IL1RAPL1: variants seen among roughly 807,000 people sequenced by gnomAD.
IL1RAPL1 encodes interleukin 1 receptor accessory protein like 1.
In IL1RAPL1, 3 loss-of-function variants were observed where a neutral mutation model predicts 48.4. The ratio of observed to expected loss-of-function variants is 0.06; its 90% CI spans 0.03 to 0.16. The LOEUF (loss-of-function observed/expected upper bound fraction) is 0.16. IL1RAPL1 is among the 10% of genes least tolerant of loss of function. The pLI, the probability that IL1RAPL1 is intolerant of heterozygous loss-of-function variation, is 1.00. For synonymous variants in IL1RAPL1, 185 were observed against 187.7 expected, an observed-to-expected ratio of 0.99 and a Z score of 0.12; for missense variants, 349 against 530.6, an observed-to-expected ratio of 0.66 and a Z score of 3.36.
At chrX:29,190,446 G>A (rs1930330946) in intron 2 of IL1RAPL1, among the ~76,000 whole-genome samples, 1 of 112,314 alleles carries the variant, frequency 8.9e-6, no homozygotes, top group South Asian at 3.7e-4. Context: ...GGATTCTACT[G>A]ATATTAACTT....
At chrX:29,488,106 C>A in intron 5 of IL1RAPL1, among the ~76,000 whole-genome samples, 1 of 112,087 alleles carries the variant, frequency 8.9e-6, no homozygotes, top group Non-Finnish European at 1.9e-5. Flanking sequence ...CACCTCCATA[C>A]ATCAGAGTAT....
intron 2 of IL1RAPL1, among the ~76,000 whole-genome samples, chrX:29,157,026 A>AG (rs1163593568): frequency 8.9e-6 from 1 of 111,783 alleles, no homozygotes; most frequent in Non-Finnish European, 1.9e-5. Context: ...GAAAGAGTGG[A>AG]GAAAAAGATC....
chrX:29,331,595 C>A, intron 3 of IL1RAPL1, among the ~76,000 whole-genome samples: 1 of 111,976 alleles, frequency 8.9e-6, no homozygotes, highest in Non-Finnish European at 1.9e-5. Context: ...GATGCTTACC[C>A]ATTTCCTTTA....
intron 1 of IL1RAPL1, among the ~76,000 whole-genome samples, chrX:28,628,675 A>T (rs1447896118): frequency 3.6e-5 from 4 of 112,124 alleles, no homozygotes; most frequent in African/African-American, 1.3e-4. Flanking sequence ...TTTTCACCAG[A>T]TGAAAGCAAC....
intron 5 of IL1RAPL1, among the ~76,000 whole-genome samples, chrX:29,661,443 A>G (rs1328718691): frequency 8.9e-6 from 1 of 112,121 alleles, no homozygotes; most frequent in African/African-American, 3.2e-5. Context: ...TCAGTAAGTG[A>G]AGGATAGTAG....
intron 5 of IL1RAPL1, among the ~76,000 whole-genome samples, chrX:29,541,774 G>C (rs1921446887): frequency 9.1e-6 from 1 of 110,210 alleles, no homozygotes; most frequent in African/African-American, 3.3e-5. Context: ...ATAGAAACTG[G>C]GGACTACTAA....
At chrX:29,526,722 A>G (rs997044180) in intron 5 of IL1RAPL1, among the ~76,000 whole-genome samples, 2 of 112,348 alleles carry the variant, frequency 1.8e-5, no homozygotes, top group Admixed American at 1.9e-4. Context: ...TGTAAAACAT[A>G]TAAGAAATTA....
At chrX:28,888,150 TG>T (rs1484209523) in intron 2 of IL1RAPL1, among the ~76,000 whole-genome samples, 1 of 109,784 alleles carries the variant, frequency 9.1e-6, no homozygotes, top group Non-Finnish European at 1.9e-5. Flanking sequence ...CAAATTAGGC[TG>T]GGAATTGCTA....
chrX:29,430,517 G>C (rs1325503750), intron 5 of IL1RAPL1, among the ~76,000 whole-genome samples: 1 of 109,998 alleles, frequency 9.1e-6, no homozygotes, highest in African/African-American at 3.3e-5. Context: ...TTGTTCAAAG[G>C]CACAATATAA....
intron 2 of IL1RAPL1, among the ~76,000 whole-genome samples, chrX:29,003,564 T>C (rs1382373462): frequency 8.9e-6 from 1 of 112,184 alleles, no homozygotes; most frequent in African/African-American, 3.2e-5. Flanking sequence ...AAAGGGGAAA[T>C]GCTTTCAAAG....
intron 6 of IL1RAPL1, among the ~76,000 whole-genome samples, chrX:29,885,910 T>C (rs191420289): frequency 8.9e-6 from 1 of 112,454 alleles, no homozygotes; most frequent in East Asian, 2.8e-4. Context: ...AATGGTTTAT[T>C]AAAGATGTTT....
intron 3 of IL1RAPL1, among the ~76,000 whole-genome samples, chrX:29,338,484 A>T (rs1050807893): frequency 4.5e-5 from 5 of 112,274 alleles, no homozygotes; most frequent in African/African-American, 1.6e-4. Context: ...TGTTATTTTT[A>T]AAAATGTTGC....
chrX:29,009,637 C>T (rs1036895875), intron 2 of IL1RAPL1, among the ~76,000 whole-genome samples: 7 of 111,897 alleles, frequency 6.3e-5, no homozygotes, highest in South Asian at 3.7e-4. Context: ...GTACCAGTAC[C>T]GTGCTGTTTT....
rs183134301 is a variant in IL1RAPL1, at chrX:29,050,751, T to C, written c.83-232187T>C. Among the ~76,000 whole-genome samples, 47 of 112,441 alleles carry C rather than the reference T, an allele frequency of 4.2e-4. No individual in the cohort carries two copies. In the East Asian group the frequency reaches 0.012, roughly 30 times the overall value. On this transcript the variant is annotated intron_variant, in intron 2 of 10. Transcript: ENST00000378993. ...CTTAAGGTGTTCTGAAATTACGGGC[T>C]CGTTGATTCTGCCCTTTGTCTTGCT...
At chrX:29,803,411 ATG>A (rs763811033) in intron 6 of IL1RAPL1, among the ~76,000 whole-genome samples, 4 of 94,715 alleles carry the variant, frequency 4.2e-5, no homozygotes, top group African/African-American at 1.5e-4. Context: ...ATATGTGTAT[ATG>A]TGTATATGTG....
At chrX:29,228,764 T>C (rs1039030643) in intron 2 of IL1RAPL1, among the ~76,000 whole-genome samples, 4 of 112,428 alleles carry the variant, frequency 3.6e-5, no homozygotes, top group Non-Finnish European at 7.5e-5. Flanking sequence ...AAATAGTTTG[T>C]TCTGTAGTCT....
intron 2 of IL1RAPL1, among the ~76,000 whole-genome samples, chrX:29,244,641 G>A (rs905194040): frequency 4.5e-5 from 5 of 112,293 alleles, no homozygotes; most frequent in Non-Finnish European, 7.5e-5. Context: ...TTTTGCATTT[G>A]ATACGCAATT....
chrX:28,996,167 A>G (rs1000481331), intron 2 of IL1RAPL1, among the ~76,000 whole-genome samples: 32 of 111,205 alleles, frequency 2.9e-4, no homozygotes, highest in African/African-American at 1.0e-3. Context: ...TTCTGTCTTT[A>G]TGGATATGCT....
At chrX:29,832,144 G>A (rs983947332) in intron 6 of IL1RAPL1, among the ~76,000 whole-genome samples, 4 of 111,645 alleles carry the variant, frequency 3.6e-5, no homozygotes, top group African/African-American at 1.3e-4. Flanking sequence ...TTATTCTCAA[G>A]GACTGATAAA....
Sources: allele counts gnomAD v4.1 joint callset (sites outside exome capture counted in the v4.1 genomes callset), GRCh38; gene constraint gnomAD v4.1.1; transcripts MANE v1.5; gene names NCBI Gene and HGNC (gene_info 2026-07-23, HGNC 2026-07-21).